LRRC4C: variants seen among roughly 807,000 people sequenced by gnomAD.
The protein encoded by LRRC4C is leucine-rich repeat-containing protein 4C.
LRRC4C carries 5 observed loss-of-function variants against 33.6 expected under a neutral mutation model. The observed-to-expected ratio is 0.15, with a 90% confidence interval of 0.08 to 0.31. LRRC4C has a LOEUF of 0.31. Among genes scored for constraint, LRRC4C ranks in the 10% least tolerant of loss-of-function variants. The pLI is 1.00. For synonymous variants in LRRC4C, 329 were observed against 302.0 expected, an observed-to-expected ratio of 1.09 and a Z score of -0.93; for missense variants, 560 against 796.7, an observed-to-expected ratio of 0.70 and a Z score of 3.58.
chr11:40,589,154 G>A (rs1369542063), intron 3 of LRRC4C, among the ~76,000 whole-genome samples: 3 of 151,878 alleles, frequency 2.0e-5, no homozygotes, highest in Non-Finnish European at 4.4e-5. Context: ...TATGAATCTG[G>A]GTGCTCCTGT....
chr11:40,142,294 A>C (rs1320851684), intron 5 of LRRC4C, among the ~76,000 whole-genome samples: 1 of 151,724 alleles, frequency 6.6e-6, no homozygotes, highest in Non-Finnish European at 1.5e-5. Context: ...AAAAAAAAAA[A>C]AAAAAAAAAA....
At chr11:40,935,307 C>T (rs1304263162) in intron 1 of LRRC4C, among the ~76,000 whole-genome samples, 2 of 152,136 alleles carry the variant, frequency 1.3e-5, no homozygotes, top group African/African-American at 4.8e-5. Context: ...ACAGCTTCCT[C>T]AACTGTGAGA....
rs527431054 is a variant in LRRC4C at position 40,964,651 on chromosome 11, A to G, written c.-495-30928T>C. The stretch of plus-strand genomic sequence containing the variant: ...TTTTTTGTCCTTGTGATAGTTTGCT[A>G]AGAATGATGGTTTCCAGTTTCATCC... On this transcript the variant is annotated intron_variant, in intron 1 of 6. Coordinates refer to ENST00000528697, the MANE Select transcript of LRRC4C (RefSeq NM_001258419.2). Among the ~76,000 whole-genome samples, 1,241 of 144,628 alleles carry G rather than the reference A, an allele frequency of 8.6e-3. 22 individuals are homozygous for G. Among genetic ancestry groups the G allele is most frequent in the African/African-American group, 0.03 (1,158 of 38,894 alleles). The allele number at this position is 144,628 out of a possible 152,430, so 94.9% of individuals were successfully genotyped here.
At chr11:40,803,642 C>T (rs1951129347) in intron 2 of LRRC4C, among the ~76,000 whole-genome samples, 1 of 151,858 alleles carries the variant, frequency 6.6e-6, no homozygotes, top group African/African-American at 2.4e-5. Context: ...GAGAAAGAGT[C>T]TCGCTCTGTC....
intron 1 of LRRC4C, among the ~76,000 whole-genome samples, chr11:40,983,183 T>G (rs1592254800): frequency 6.6e-6 from 1 of 152,200 alleles, no homozygotes; most frequent in South Asian, 2.1e-4. Flanking sequence ...CCTTTGGGTA[T>G]ATACCCAGTA....
intron 5 of LRRC4C, among the ~76,000 whole-genome samples, chr11:40,194,481 G>A (rs1862086028): frequency 6.6e-6 from 1 of 152,120 alleles, no homozygotes; most frequent in African/African-American, 2.4e-5. Flanking sequence ...GGACATGGAT[G>A]AAGCTGGAAA....
chr11:41,348,647 G>T (rs1282433515), intron 1 of LRRC4C, among the ~76,000 whole-genome samples: 1 of 151,524 alleles, frequency 6.6e-6, no homozygotes, highest in African/African-American at 2.4e-5. Context: ...TTCTCCTAAA[G>T]AAGTCATTGA....
At chr11:40,784,299 A>T (rs1950325913) in intron 2 of LRRC4C, among the ~76,000 whole-genome samples, 1 of 152,180 alleles carries the variant, frequency 6.6e-6, no homozygotes, top group South Asian at 2.1e-4. Context: ...CAGAAGGCTG[A>T]AGAGTTGAAT....
chr11:40,314,795 G>A (rs1315208924), intron 4 of LRRC4C, among the ~76,000 whole-genome samples: 5 of 152,050 alleles, frequency 3.3e-5, no homozygotes, highest in Admixed American at 2.6e-4. Flanking sequence ...AATAAGCCAG[G>A]AATGGAAAGT....
At chr11:41,042,311 T>A (rs1268381750) in intron 1 of LRRC4C, among the ~76,000 whole-genome samples, 1 of 152,106 alleles carries the variant, frequency 6.6e-6, no homozygotes, top group Non-Finnish European at 1.5e-5. Flanking sequence ...GCAAATATGC[T>A]CAAAGGTCTA....
chr11:40,246,324 A>G, intron 4 of LRRC4C, among the ~76,000 whole-genome samples: 1 of 152,160 alleles, frequency 6.6e-6, no homozygotes, highest in East Asian at 1.9e-4. Context: ...AAAAGACAAT[A>G]AGTAGAATTG....
intron 2 of LRRC4C, among the ~76,000 whole-genome samples, chr11:40,735,234 A>C (rs1947797943): frequency 2.0e-5 from 3 of 152,122 alleles, no homozygotes; most frequent in African/African-American, 7.2e-5. Context: ...ATATGTATAC[A>C]TGTGCCATGC....
intron 1 of LRRC4C, among the ~76,000 whole-genome samples, chr11:41,186,097 A>C (rs543990381): frequency 6.6e-6 from 1 of 152,242 alleles, no homozygotes; most frequent in Non-Finnish European, 1.5e-5. Flanking sequence ...ATGTAGTATA[A>C]AATTTTGTAC....
intron 4 of LRRC4C, among the ~76,000 whole-genome samples, chr11:40,262,239 T>C (rs536817939): frequency 3.4e-4 from 52 of 152,270 alleles, no homozygotes; most frequent in Non-Finnish European, 6.9e-4. Flanking sequence ...AAGTTCATCA[T>C]CACGGGTCAT....
chr11:41,310,845 C>T (rs1389369007), intron 1 of LRRC4C, among the ~76,000 whole-genome samples: 3 of 152,032 alleles, frequency 2.0e-5, no homozygotes, highest in African/African-American at 4.8e-5. Context: ...AATATAACTT[C>T]GTATACTATC....
chr11:41,401,540 T>A (rs972976107), intron 1 of LRRC4C, among the ~76,000 whole-genome samples: 3 of 151,794 alleles, frequency 2.0e-5, no homozygotes, highest in African/African-American at 7.3e-5. Context: ...AAGCAAAAAG[T>A]AGCAATGCAA....
intron 3 of LRRC4C, among the ~76,000 whole-genome samples, chr11:40,575,771 G>A (rs1342252877): frequency 2.0e-5 from 3 of 152,104 alleles, no homozygotes; most frequent in Non-Finnish European, 4.4e-5. Context: ...CAATAATCAT[G>A]AGAATGACAT....
rs566340841 is a variant in LRRC4C, at chr11:41,259,485, A to T, written c.-496+199946T>A. ...TTATATCTAGAAGCTGATTTTAAGG[A>T]ATACAAGTATTCCTTATTTTTCTTT... is the stretch of plus-strand genomic sequence containing the variant. On this transcript the variant is annotated intron_variant, in intron 1 of 6. Coordinates refer to ENST00000528697, the MANE Select transcript of LRRC4C (RefSeq NM_001258419.2). Among the ~76,000 whole-genome samples the T allele has an allele frequency of 2.6e-5, 4 of 152,140 alleles. No individual in the cohort carries two copies. The South Asian group carries it at 8.3e-4, about 32-fold the overall frequency.
chr11:40,373,534 T>G (rs1948542672), intron 3 of LRRC4C, among the ~76,000 whole-genome samples: 1 of 152,032 alleles, frequency 6.6e-6, no homozygotes, highest in South Asian at 2.1e-4. Context: ...TGAAAAAAAG[T>G]CCAAATAACC....
Sources: allele counts gnomAD v4.1 joint callset (sites outside exome capture counted in the v4.1 genomes callset), GRCh38; gene constraint gnomAD v4.1.1; transcripts MANE v1.5; gene names NCBI Gene and HGNC (gene_info 2026-07-23, HGNC 2026-07-21).